FANCB: variants seen among roughly 807,000 people sequenced by gnomAD.
FANCB encodes the protein FA complementation group B.
Under a neutral mutation model 38.9 loss-of-function variants are expected in FANCB, and 5 were observed. The observed-to-expected ratio is 0.13, with a 90% CI of 0.07 to 0.27. The LOEUF is 0.27. Among genes scored for constraint, FANCB ranks in the 10% least tolerant of loss-of-function variants. The probability of loss-of-function intolerance (pLI) is 1.00; values close to 1 mark genes in which losing one functional copy is unlikely to be tolerated. For missense variants in FANCB, 573 were observed against 602.7 expected, an observed-to-expected ratio of 0.95 and a Z score of 0.52; for synonymous variants, 236 against 215.4, an observed-to-expected ratio of 1.10 and a Z score of -0.84.
chrX:14,829,345 G>T, the FANCB span, among the ~76,000 whole-genome samples: 1 of 111,249 alleles, frequency 9.0e-6, no homozygotes, highest in Non-Finnish European at 1.9e-5. Flanking sequence ...ATTCTTAACA[G>T]TCCTAGGATT....
At chrX:14,781,578 C>T in the FANCB span, among the ~76,000 whole-genome samples, 1 of 111,770 alleles carries the variant, frequency 8.9e-6, no homozygotes, top group African/African-American at 3.2e-5. Flanking sequence ...CAGGTTCCCC[C>T]ACCTGTGGGT....
intron 7 of FANCB, among the ~76,000 whole-genome samples, chrX:14,847,562 A>G (rs1394268124): frequency 3.6e-5 from 4 of 110,934 alleles, no homozygotes; most frequent in Admixed American, 9.6e-5. Context: ...GTAAGGAAGC[A>G]TCAGTATCTT....
the FANCB span, among the ~76,000 whole-genome samples, chrX:14,755,355 C>T: frequency 2.7e-5 from 3 of 111,720 alleles, no homozygotes; most frequent in African/African-American, 9.8e-5. Flanking sequence ...CAGCTTGTCT[C>T]TGTTTGTACA....
At chrX:14,809,390 G>A in the FANCB span, among the ~76,000 whole-genome samples, 13 of 112,561 alleles carry the variant, frequency 1.2e-4, no homozygotes, top group South Asian at 3.7e-4. Flanking sequence ...TGCCTCACTC[G>A]GGCAGCGCAA....
chrX:14,786,961 C>T, the FANCB span, among the ~76,000 whole-genome samples: 1 of 111,433 alleles, frequency 9.0e-6, no homozygotes, highest in South Asian at 3.8e-4. Context: ...AAAAACTTTC[C>T]AGTGAAGAAA....
the FANCB span, among the ~76,000 whole-genome samples, chrX:14,788,438 C>A: frequency 1.8e-5 from 2 of 111,406 alleles, no homozygotes; most frequent in South Asian, 3.8e-4. Context: ...AATACTGGAA[C>A]CAACTGCAAC....
At chrX:14,739,309 G>C in the FANCB span, among the ~76,000 whole-genome samples, 1 of 111,729 alleles carries the variant, frequency 9.0e-6, no homozygotes, top group African/African-American at 3.2e-5. Flanking sequence ...AGATCACAAA[G>C]AGTCAATATA....
At chrX:14,795,191 T>C in the FANCB span, among the ~76,000 whole-genome samples, 4,023 of 112,282 alleles carry the variant, frequency 0.036, 141 homozygotes, top group African/African-American at 0.11. Context: ...TTGATCCTTC[T>C]ACTACATCTC....
chrX:14,796,880 C>G, the FANCB span, among the ~76,000 whole-genome samples: 4 of 110,103 alleles, frequency 3.6e-5, no homozygotes, highest in Non-Finnish European at 7.6e-5. Flanking sequence ...ACCAGGAGAG[C>G]TGGTGGTGTT....
intron 1 of FANCB, among the ~76,000 whole-genome samples, chrX:14,871,781 T>C (rs2092498701): frequency 9.1e-6 from 1 of 110,407 alleles, no homozygotes; most frequent in South Asian, 3.8e-4. Flanking sequence ...CTACAATGAC[T>C]ACAGTCCCTG....
chrX:14,852,059 G>A (rs1312390402), intron 6 of FANCB, among the ~76,000 whole-genome samples: 1 of 111,673 alleles, frequency 9.0e-6, no homozygotes, highest in Non-Finnish European at 1.9e-5. Context: ...GCCTTTCTCT[G>A]TATGAAATTA....
the FANCB span, among the ~76,000 whole-genome samples, chrX:14,742,100 T>G: frequency 8.9e-6 from 1 of 111,775 alleles, no homozygotes; most frequent in Non-Finnish European, 1.9e-5. Flanking sequence ...TCAAATGTAA[T>G]GCCTAACTAT....
At chrX:14,759,460 G>T in the FANCB span, among the ~76,000 whole-genome samples, 1 of 111,672 alleles carries the variant, frequency 9.0e-6, no homozygotes, top group East Asian at 2.8e-4. Context: ...AATCTTAACA[G>T]CTGTGAGGTA....
the FANCB span, among the ~76,000 whole-genome samples, chrX:14,808,146 G>C: frequency 8.9e-6 from 1 of 111,845 alleles, no homozygotes; most frequent in Non-Finnish European, 1.9e-5. Context: ...TTAAAGGAGA[G>C]CTAATCAATC....
At chrX:14,818,789 G>A in the FANCB span, among the ~76,000 whole-genome samples, 2 of 111,912 alleles carry the variant, frequency 1.8e-5, no homozygotes, top group Non-Finnish European at 3.8e-5. Context: ...TTATGGAGAC[G>A]TTTTACATTA....
Position 14,864,710 on chromosome X carries a change from T to C in FANCB, c.801A>G (p.Ser267=). The change falls in exon 3 of 10, where the codon TCA becomes TCG. Residue 267 remains serine (S), a synonymous_variant. Coordinates refer to ENST00000650831, the MANE Select transcript of FANCB (RefSeq NM_001018113.3). ...CATTTTTAGGAGTTCCATTCTGAAA[T>C]GAAATCAGCTGATTCTTTCGAGTAA... ...IALTRKNQLI[S]FQNGTPKNVC... The C allele has an allele frequency of 8.3e-7, 1 of 1,211,587 alleles. No homozygotes were observed. The highest frequency in any genetic ancestry group is 1.1e-6 in the Non-Finnish European group (1 of 895,200).
chrX:14,773,866 C>G, the FANCB span, among the ~76,000 whole-genome samples: 1 of 111,206 alleles, frequency 9.0e-6, no homozygotes, highest in Non-Finnish European at 1.9e-5. Context: ...TTGAGGTTCG[C>G]TCTCAAAGAA....
chrX:14,831,359 T>C (rs1569078970), downstream of FANCB, among the ~76,000 whole-genome samples: 2 of 112,371 alleles, frequency 1.8e-5, no homozygotes, highest in Non-Finnish European at 3.8e-5. Context: ...GTGTTAACTA[T>C]ATGACCTGTC....
chrX:14,730,472 T>A, the FANCB span: 1 of 1,204,394 alleles, frequency 8.3e-7, no homozygotes, highest in Non-Finnish European at 1.1e-6. Flanking sequence ...CATGAAGATG[T>A]CCACAAGAAA....
Sources: gnomAD v4.1 joint callset for allele counts (sites outside exome capture counted in the v4.1 genomes callset) on GRCh38, gnomAD v4.1.1 for gene constraint, MANE v1.5 for transcripts, NCBI Gene and HGNC (gene_info 2026-07-23, HGNC 2026-07-21) for gene names.